Variants in LCP2 observed in about 807,000 individuals in gnomAD.
LCP2 encodes 76 kDa tyrosine phosphoprotein.
In LCP2, 29 loss-of-function variants were observed where a neutral mutation model predicts 74.5. The ratio of observed to expected loss-of-function variants is 0.39; its 90% CI spans 0.29 to 0.53. The LOEUF is 0.53. Among genes scored for constraint, LCP2 ranks in the 20% least tolerant of loss-of-function variants. LCP2 has a pLI of 0.72. For synonymous variants in LCP2, 228 were observed against 229.5 expected (o/e 0.99, Z 0.06); for missense variants, 604 against 634.6 (o/e 0.95, Z 0.52).
At position 170,248,415 on chromosome 5, in the gene LCP2, G is replaced by T. The variant is rs1761348002; in HGVS notation, c.*282C>A. The T allele has an allele frequency of 3.6e-6, 1 of 279,890 alleles. No homozygotes were observed. The highest frequency in any genetic ancestry group is 6.8e-6 in the Non-Finnish European group (1 of 147,390). The allele number at this position is 279,890 out of a possible 1,614,324, so 17.3% of individuals were successfully genotyped here. A position where few individuals can be genotyped will look rare whatever the true frequency, so the allele number is the denominator to read the frequency against. On this transcript the variant is annotated 3_prime_UTR_variant, in exon 21 of 21. Coordinates refer to ENST00000046794, the MANE Select transcript of LCP2 (RefSeq NM_005565.5). ...TGTAAACTACTGTATTTTGAAATGG[G>T]CATTAAATAATCTTTTAAAAAATGA...
At chr5:170,275,720 C>T (rs1167188975) in intron 4 of LCP2, 75 bp downstream of exon 4, 2 of 1,261,370 alleles carry the variant, frequency 1.6e-6, no homozygotes, top group Non-Finnish European at 2.3e-6. Context: ...AGGGCAAAAA[C>T]AGTTCTGTGC....
chr5:170,253,428 A>ACTT (rs1352363340), intron 17 of LCP2, among the ~76,000 whole-genome samples: 3 of 152,208 alleles, frequency 2.0e-5, no homozygotes, highest in African/African-American at 7.2e-5. Context: ...TGCCAGTAAA[A>ACTT]CTTTGAGAAG....
At chr5:170,273,710 C>T (rs1199079935) in intron 6 of LCP2, 1 of 154,616 alleles carries the variant, frequency 6.5e-6, no homozygotes, top group Non-Finnish European at 1.4e-5. Flanking sequence ...ATACAGGTTC[C>T]TGGGGAGGGG....
At chr5:170,284,789 C>T (rs1158883421) in intron 3 of LCP2, among the ~76,000 whole-genome samples, 1 of 143,844 alleles carries the variant, frequency 7.0e-6, no homozygotes, top group African/African-American at 2.6e-5. Context: ...CTTGCTCTGT[C>T]ACCCAGGCTG....
intron 2 of LCP2, among the ~76,000 whole-genome samples, chr5:170,290,118 AC>A (rs907986883): frequency 1.3e-5 from 2 of 151,818 alleles, no homozygotes; most frequent in African/African-American, 4.8e-5. Context: ...ATGTGATGTA[AC>A]CCCCTCCTCC....
rs1210803273 is a variant in LCP2, at chr5:170,256,781, T to A, written c.1101-206A>T. ...CATTCCGCTGTGGACCATGCCAAAGTCTAACAAGCTTTATAAAGCAGAACA... is the reference window on the plus strand; with the variant it reads ...CATTCCGCTGTGGACCATGCCAAAGACTAACAAGCTTTATAAAGCAGAACA... On this transcript the variant is annotated intron_variant, in intron 16 of 20. Coordinates refer to ENST00000046794, the MANE Select transcript of LCP2 (RefSeq NM_005565.5). The surrounding 1 kb of genome is among the most constrained non-coding windows in gnomAD (Gnocchi z 4.5). Among the ~76,000 whole-genome samples the A allele has an allele frequency of 3.9e-5, 6 of 152,092 alleles. No individual in the cohort carries two copies. Among genetic ancestry groups the A allele is most frequent in the Non-Finnish European group, 8.8e-5 (6 of 68,014 alleles).
At chr5:170,276,051 G>A (rs1187549469) in intron 3 of LCP2, among the ~76,000 whole-genome samples, 191 bp from the exon 4 acceptor site, 1 of 151,998 alleles carries the variant, frequency 6.6e-6, no homozygotes, top group African/African-American at 2.4e-5. Flanking sequence ...TTATTCCCCG[G>A]GCCAGACCTT....
intron 3 of LCP2, among the ~76,000 whole-genome samples, chr5:170,276,963 C>G (rs1354344852): frequency 6.6e-6 from 1 of 151,094 alleles, no homozygotes; most frequent in Non-Finnish European, 1.5e-5. Flanking sequence ...GTGGTCCCAG[C>G]TACTTGGGAG....
In LCP2 at chr5:170,267,062, G is replaced by A; in HGVS notation, c.635C>T (p.Pro212Leu). 6.2e-7 allele frequency: 1 copy of A among 1,613,926 alleles called. No individual in the cohort carries two copies. Among genetic ancestry groups the A allele is most frequent in the African/African-American group, 1.3e-5 (1 of 75,030 alleles). Reference protein sequence around the residue: ...AGRNHSPLPPPQTNHEEPSRS... With the variant: ...AGRNHSPLPPLQTNHEEPSRS... ...GCTGGGTTCTTCGTGGTTGGTCTGG[G>A]GTGGGGGCAGTGGCTGCATAAAGAT... Residue 212 changes from proline to leucine, a missense_variant, in exon 9 of 21, where the codon CCC becomes CTC. By Grantham distance (98) the Pro-to-Leu change is moderately conservative. Coordinates refer to ENST00000046794, the MANE Select transcript of LCP2 (RefSeq NM_005565.5).
Position 170,257,578 on chromosome 5 carries a change from C to G in LCP2, c.1100+459G>C, listed in dbSNP as rs115365854. Among the ~76,000 whole-genome samples, 804 of 152,162 alleles carry G rather than the reference C, an allele frequency of 5.3e-3. 10 individuals carry two copies. Among genetic ancestry groups the G allele is most frequent in the African/African-American group, 0.019 (778 of 41,510 alleles). On this transcript the variant is annotated intron_variant, in intron 16 of 20. Transcript: ENST00000046794. Reference sequence around the variant, plus strand: ...GCCCCTGGGCGGCCTCATACCAGCCCTGAGAAACACAGCTGCTACTGAGAA... The same window carrying G: ...GCCCCTGGGCGGCCTCATACCAGCCGTGAGAAACACAGCTGCTACTGAGAA...
At chr5:170,294,419 G>A (rs1456286862) in intron 1 of LCP2, among the ~76,000 whole-genome samples, 1 of 152,172 alleles carries the variant, frequency 6.6e-6, no homozygotes, top group Non-Finnish European at 1.5e-5. Flanking sequence ...TGAGGTGCTA[G>A]TTTCAACTTG....
At chr5:170,268,301 T>C in intron 8 of LCP2, 84 bp downstream of exon 8, 1 of 218,906 alleles carries the variant, frequency 4.6e-6, no homozygotes, top group Non-Finnish European at 9.2e-6. Context: ...GAGATAAAGA[T>C]GTTTATAGTT....
chr5:170,273,989 C>T (rs913886764), intron 6 of LCP2: 2 of 381,420 alleles, frequency 5.2e-6, no homozygotes, highest in Non-Finnish European at 9.8e-6. Context: ...CCTAGGGCCA[C>T]GTGCAGCCTA....
chr5:170,254,921 CGAG>C (rs1761522685), intron 17 of LCP2, among the ~76,000 whole-genome samples: 1 of 152,168 alleles, frequency 6.6e-6, no homozygotes, highest in South Asian at 2.1e-4. Context: ...TAGAGAAGAC[CGAG>C]GACCAGGTGT....
intron 3 of LCP2, among the ~76,000 whole-genome samples, chr5:170,276,709 T>C (rs1249775791): frequency 6.6e-6 from 1 of 152,140 alleles, no homozygotes; most frequent in East Asian, 1.9e-4. Flanking sequence ...AACTCGAGAC[T>C]GCAGCCCCAC....
At chr5:170,258,265 A>AG (rs1761594996) in intron 15 of LCP2, 99 bp from the exon 16 acceptor site, 1 of 1,254,134 alleles carries the variant, frequency 8.0e-7, no homozygotes, top group Non-Finnish European at 1.1e-6. Context: ...GCTAGTATAA[A>AG]GAGGACACAA....
chr5:170,285,833 A>G (rs940161804), intron 3 of LCP2, among the ~76,000 whole-genome samples: 6 of 152,038 alleles, frequency 3.9e-5, no homozygotes, highest in Non-Finnish European at 7.4e-5. Context: ...TGCTCTCTCT[A>G]TGCAGCTCTC....
At chr5:170,264,864 C>T (rs896049854) in intron 10 of LCP2, among the ~76,000 whole-genome samples, 45 of 151,664 alleles carry the variant, frequency 3.0e-4, no homozygotes, top group South Asian at 6.3e-4. Context: ...AGAGTTTTGA[C>T]GGTATAAAAG....
chr5:170,248,628 A>C lies in LCP2; in HGVS notation c.*69T>G. 2 of 1,584,012 alleles carry C rather than the reference A, an allele frequency of 1.3e-6. No homozygotes were observed. Among genetic ancestry groups the C allele is most frequent in the Non-Finnish European group, 1.7e-6 (2 of 1,157,660 alleles). ...TTCAGTCCTAAGTGTTTGTCCATTG[A>C]CCAAGGCTGATTGATCTCGTGTTGG... On this transcript the variant is annotated 3_prime_UTR_variant, in exon 21 of 21. Transcript: ENST00000046794.
Sources: gnomAD v4.1 joint callset for allele counts (sites outside exome capture counted in the v4.1 genomes callset) on GRCh38, gnomAD v4.1.1 for gene constraint, Gnocchi (gnomAD v3.1) non-coding constraint, MANE v1.5 for transcripts, NCBI Gene and HGNC (gene_info 2026-07-23, HGNC 2026-07-21) for gene names.